The following AQP9 variants were observed in gnomAD, a reference collection of about 807,000 sequenced individuals.
AQP9 encodes the protein aquaporin-9.
In AQP9, 19 loss-of-function variants were observed where a neutral mutation model predicts 23.8. The observed-to-expected ratio is 0.80, with a 90% CI of 0.56 to 1.17. The LOEUF (loss-of-function observed/expected upper bound fraction) is 1.17. AQP9 is among the 50% of genes most tolerant of loss of function. The pLI, the probability that AQP9 is intolerant of heterozygous loss-of-function variation, is 0.00. For synonymous variants in AQP9, 153 were observed against 131.5 expected, an observed-to-expected ratio of 1.16 and a Z score of -1.12; for missense variants, 413 against 362.0, an observed-to-expected ratio of 1.14 and a Z score of -1.14.
intron 2 of AQP9, among the ~76,000 whole-genome samples, chr15:58,171,930 T>C (rs184463719): frequency 9.7e-4 from 148 of 152,332 alleles, no homozygotes; most frequent in African/African-American, 3.4e-3. Context: ...CATCTCAATG[T>C]GGTGTCTCTG....
At chr15:58,173,482 C>T (rs1407178338) in intron 3 of AQP9, among the ~76,000 whole-genome samples, 1 of 152,284 alleles carries the variant, frequency 6.6e-6, no homozygotes, top group Non-Finnish European at 1.5e-5. Flanking sequence ...ATACAACAAG[C>T]AGTAGGCCAG....
intron 5 of AQP9, among the ~76,000 whole-genome samples, chr15:58,180,911 T>C (rs1011690987): frequency 6.6e-6 from 1 of 152,208 alleles, no homozygotes; most frequent in Admixed American, 6.5e-5. Context: ...CTAGGATGGA[T>C]CTCTTGTATC....
intron 4 of AQP9, among the ~76,000 whole-genome samples, chr15:58,175,661 T>A (rs151163994): frequency 1.4e-4 from 22 of 152,338 alleles, no homozygotes; most frequent in African/African-American, 5.1e-4. Context: ...CTGCTGGTTA[T>A]CTTGGTCAGG....
At chr15:58,146,727 G>A (rs1898051777) in intron 1 of AQP9, 1 of 152,166 alleles carries the variant, frequency 6.6e-6, no homozygotes, top group South Asian at 2.1e-4. Flanking sequence ...TCCAGAGCAG[G>A]TTTGCATTTG....
intron 1 of AQP9, among the ~76,000 whole-genome samples, chr15:58,164,838 A>G (rs1034814341): frequency 2.4e-4 from 36 of 152,150 alleles, no homozygotes; most frequent in Non-Finnish European, 4.0e-4. Flanking sequence ...CTCACAAATG[A>G]GCCCTGAGGG....
chr15:58,153,747 G>A (rs1450007002), intron 1 of AQP9: 1 of 152,022 alleles, frequency 6.6e-6, no homozygotes, highest in East Asian at 1.9e-4. Flanking sequence ...TTTCCTCACA[G>A]GCTTTTATTC....
intron 1 of AQP9, chr15:58,155,652 G>C (rs1898238603): frequency 6.6e-6 from 1 of 152,010 alleles, no homozygotes; most frequent in Admixed American, 6.6e-5. Context: ...GATATTCTAG[G>C]CCTAATTCTC....
chr15:58,174,736 C>A (rs1898700771), intron 3 of AQP9, among the ~76,000 whole-genome samples, 182 bp from the exon 4 acceptor site: 1 of 152,200 alleles, frequency 6.6e-6, no homozygotes. Flanking sequence ...TCCTTTGACC[C>A]TCCATCCTGG....
chr15:58,179,854 C>T (rs1387359122), intron 5 of AQP9, among the ~76,000 whole-genome samples: 3 of 152,096 alleles, frequency 2.0e-5, no homozygotes, highest in African/African-American at 7.2e-5. Context: ...TCACCTTGAG[C>T]GATATAATAA....
chr15:58,184,976 G>A lies in AQP9; in HGVS notation c.*841G>A, dbSNP rs2140640638. The A allele has an allele frequency of 6.6e-6, 1 of 152,036 alleles. No individual in the cohort carries two copies. Among genetic ancestry groups the A allele is most frequent in the African/African-American group, 2.4e-5 (1 of 41,506 alleles). 9.4% of individuals were successfully genotyped at this position (152,036 alleles called of 1,614,324 possible). On this transcript the variant is annotated 3_prime_UTR_variant, in exon 6 of 6. Transcript: ENST00000219919. ...CCACTTGAGAACAGACATTTGACAAGTTATATCAACGACTGTGCTTGTCCA... is the reference window on the plus strand; with the variant it reads ...CCACTTGAGAACAGACATTTGACAAATTATATCAACGACTGTGCTTGTCCA...
chr15:58,180,270 T>C (rs1242706630), intron 5 of AQP9, among the ~76,000 whole-genome samples: 1 of 152,148 alleles, frequency 6.6e-6, no homozygotes, highest in Non-Finnish European at 1.5e-5. Context: ...TGTGAGCAAA[T>C]TCTACTTTAA....
Position 58,179,133 on chromosome 15 carries a change from G to A in AQP9, c.501G>A (p.Val167=), listed in dbSNP as rs35548603. The A allele has an allele frequency of 1.9e-6, 3 of 1,609,718 alleles. No homozygotes were observed. Among genetic ancestry groups the A allele is most frequent in the African/African-American group, 1.3e-5 (1 of 74,854 alleles). Residue 167 remains valine, a synonymous_variant, in exon 5 of 6, where the codon GTG becomes GTA. Transcript: ENST00000219919. ...SLANAFADQV[V]ATMILLIIVF... is the part of the protein sequence containing the mutation. ...CTCAACTTCTCCCTCTCCAGGTGGTGGCCACCATGATACTCCTCATAATCG... is the reference window on the plus strand; with the variant it reads ...CTCAACTTCTCCCTCTCCAGGTGGTAGCCACCATGATACTCCTCATAATCG...
chr15:58,180,652 G>A (rs1378576520), intron 5 of AQP9, among the ~76,000 whole-genome samples: 1 of 152,238 alleles, frequency 6.6e-6, no homozygotes, highest in Admixed American at 6.5e-5. Flanking sequence ...AAATTTCCTA[G>A]AACAGCAGTT....
In AQP9 at chr15:58,179,157, C is replaced by T. The variant is rs772996460; in HGVS notation, c.525C>T (p.Ile175=). The T allele has an allele frequency of 9.9e-6, 16 of 1,613,458 alleles. No individual in the cohort carries two copies. Among genetic ancestry groups the T allele is most frequent in the Non-Finnish European group, 1.4e-5 (16 of 1,179,382 alleles). ...TGGCCACCATGATACTCCTCATAATCGTCTTTGCCATCTTTGACTCCAGAA... is the reference window on the plus strand; with the variant it reads ...TGGCCACCATGATACTCCTCATAATTGTCTTTGCCATCTTTGACTCCAGAA... ...QVVATMILLI[I]VFAIFDSRNL... is the part of the protein sequence containing the mutation. The change falls in exon 5 of 6, where the codon ATC becomes ATT. Residue 175 remains isoleucine, a synonymous_variant. Coordinates refer to ENST00000219919, the MANE Select transcript of AQP9 (RefSeq NM_020980.5).
chr15:58,158,141 G>A (rs1421485133), intron 1 of AQP9, among the ~76,000 whole-genome samples: 2 of 151,846 alleles, frequency 1.3e-5, no homozygotes, highest in African/African-American at 4.9e-5. Flanking sequence ...GGGTCTTCAA[G>A]TCCTCACCTT....
At chr15:58,142,266 C>A (rs1482979498) in intron 1 of AQP9, among the ~76,000 whole-genome samples, 1 of 152,182 alleles carries the variant, frequency 6.6e-6, no homozygotes, top group Non-Finnish European at 1.5e-5. Context: ...GATGGAGAGA[C>A]AAGTGTAACA....
intron 3 of AQP9, 60 bp from the exon 4 acceptor site, chr15:58,174,858 A>C: frequency 1.4e-6 from 2 of 1,435,096 alleles, no homozygotes; most frequent in Non-Finnish European, 9.8e-7. Flanking sequence ...AAGGCTTGGC[A>C]CAGGCCTCCT....
chr15:58,172,228 C>T (rs1457073722), intron 2 of AQP9, among the ~76,000 whole-genome samples: 4 of 152,170 alleles, frequency 2.6e-5, no homozygotes, highest in African/African-American at 9.7e-5. Flanking sequence ...TTTTCTCATC[C>T]GTTAACTGGA....
intron 1 of AQP9, among the ~76,000 whole-genome samples, chr15:58,160,422 A>C (rs1898351423): frequency 6.6e-6 from 1 of 152,166 alleles, no homozygotes; most frequent in East Asian, 1.9e-4. Flanking sequence ...TATCAGATGG[A>C]TAGGCCAAAC....
Sources: allele counts gnomAD v4.1 joint callset (sites outside exome capture counted in the v4.1 genomes callset), GRCh38; gene constraint gnomAD v4.1.1; transcripts MANE v1.5; gene names NCBI Gene and HGNC (gene_info 2026-07-23, HGNC 2026-07-21).